Variants in MAPK8IP3 observed in about 807,000 individuals in gnomAD.
The protein encoded by MAPK8IP3 is C-Jun-amino-terminal kinase-interacting protein 3.
Under a neutral mutation model 157.8 loss-of-function variants are expected in MAPK8IP3, and 49 were observed. The ratio of observed to expected loss-of-function variants is 0.31; its 90% CI spans 0.25 to 0.39. The LOEUF (loss-of-function observed/expected upper bound fraction) is 0.39. MAPK8IP3 is among the 10% of genes least tolerant of loss of function. The probability of loss-of-function intolerance (pLI) is 1.00; values close to 1 mark genes in which losing one functional copy is unlikely to be tolerated. For synonymous variants in MAPK8IP3, 897 were observed against 777.7 expected (o/e 1.15, Z -2.55); for missense variants, 1,478 against 1,889.4 (o/e 0.78, Z 4.04).
In MAPK8IP3 at chr16:1,766,956, T is replaced by G; in HGVS notation, c.3073T>G (p.Phe1025Val). ...VALADGTLAI[F>V]HRGEDGQWDL... ...TCTGGCGGACGGGACCCTGGCCATCTTCCACCGTGGTGAAGGTGGGGCCTG... is the reference window on the plus strand; with the variant it reads ...TCTGGCGGACGGGACCCTGGCCATCGTCCACCGTGGTGAAGGTGGGGCCTG... The change falls in exon 25 of 32, where the codon TTC (phenylalanine) becomes GTC (valine). Residue 1025 changes from phenylalanine (F) to valine (V), a missense_variant. Phe to Val is a conservative substitution (Grantham distance 50). Transcript: ENST00000610761. 6.3e-7 allele frequency: 1 copy of G among 1,590,594 alleles called. No homozygotes were observed.
At position 1,730,713 on chromosome 16, in the gene MAPK8IP3, G is replaced by A. The variant is rs183823800; in HGVS notation, c.602+1135G>A. Among the ~76,000 whole-genome samples the A allele has an allele frequency of 2.7e-3, 418 of 152,070 alleles. 3 individuals are homozygous for A. Among genetic ancestry groups the A allele is most frequent in the African/African-American group, 9.6e-3 (398 of 41,496 alleles). ...AAAAAATTAGCCGGGTGTGGTGGCG[G>A]GCGCCTGTAGTTCCAGCTATTCTGG... On this transcript the variant is annotated intron_variant, in intron 4 of 31. Transcript: ENST00000610761.
At chr16:1,757,386 G>C (rs1255783170) in intron 8 of MAPK8IP3, among the ~76,000 whole-genome samples, 2 of 152,214 alleles carry the variant, frequency 1.3e-5, no homozygotes. Context: ...TTACAGGCGT[G>C]AGCCACCACG....
chr16:1,714,655 C>T (rs1438115007), intron 1 of MAPK8IP3, among the ~76,000 whole-genome samples: 5 of 152,170 alleles, frequency 3.3e-5, no homozygotes, highest in Admixed American at 3.3e-4. Context: ...ACCTTTCCTT[C>T]TCCCCAGGAA....
At chr16:1,735,727 CCA>C (rs1596624839) in intron 4 of MAPK8IP3, among the ~76,000 whole-genome samples, 4 of 122,026 alleles carry the variant, frequency 3.3e-5, no homozygotes, top group South Asian at 2.9e-4. Context: ...GTGTGACCGT[CCA>C]TGTGAGAGTG....
At chr16:1,758,937 C>T in intron 9 of MAPK8IP3, 41 bp from the exon 10 acceptor site, 2 of 1,612,874 alleles carry the variant, frequency 1.2e-6, no homozygotes, top group South Asian at 1.1e-5. Context: ...CTCCTCCCGC[C>T]CTGGTTGCCC....
In MAPK8IP3 at chr16:1,761,173, C is replaced by T. The variant is rs769498078; in HGVS notation, c.1458-51C>T. 3.7e-5 allele frequency: 54 copies of T among 1,462,776 alleles called. No homozygotes were observed. The African/African-American group carries it at 4.2e-4, about 11-fold the overall frequency. The allele number at this position is 1,462,776 out of a possible 1,614,324, so 90.6% of individuals were successfully genotyped here. On this transcript the variant is annotated intron_variant, in intron 12 of 31. Coordinates refer to ENST00000610761, the MANE Select transcript of MAPK8IP3 (RefSeq NM_001318852.2). ...GCGGGCACTGCCCGCTATGTGTTCCCGAGGCCCCTGGGAGGCCCTCACCCT... is the reference window on the plus strand; with the variant it reads ...GCGGGCACTGCCCGCTATGTGTTCCTGAGGCCCCTGGGAGGCCCTCACCCT...
At chr16:1,727,643 G>A (rs778959859) in intron 2 of MAPK8IP3, among the ~76,000 whole-genome samples, 2 of 152,108 alleles carry the variant, frequency 1.3e-5, no homozygotes, top group South Asian at 2.1e-4. Context: ...TCTGAGTCAC[G>A]CGTGTCAGGT....
chr16:1,738,221 TGTGAGA>T (rs2040209854), intron 4 of MAPK8IP3, among the ~76,000 whole-genome samples: 2 of 91,432 alleles, frequency 2.2e-5, no homozygotes, highest in Non-Finnish European at 4.2e-5. Context: ...TGACCATCCG[TGTGAGA>T]GTGTGACCAT....
intron 8 of MAPK8IP3, among the ~76,000 whole-genome samples, chr16:1,757,848 G>A (rs1336119972): frequency 1.3e-5 from 2 of 152,186 alleles, no homozygotes; most frequent in Non-Finnish European, 2.9e-5. Flanking sequence ...GGGCTGCGGG[G>A]GGCCTGCCCT....
At chr16:1,767,526 C>T in intron 26 of MAPK8IP3, 38 bp from the exon 27 acceptor site, 1 of 1,595,452 alleles carries the variant, frequency 6.3e-7, no homozygotes, top group Non-Finnish European at 8.6e-7. Flanking sequence ...TTCCTCTCCT[C>T]TCCCCAGCCC....
chr16:1,728,038 C>T (rs1468312465), intron 2 of MAPK8IP3, among the ~76,000 whole-genome samples: 3 of 152,258 alleles, frequency 2.0e-5, no homozygotes, highest in Non-Finnish European at 4.4e-5. Context: ...GGCGTCAGCC[C>T]TCCCCATTGG....
chr16:1,736,829 C>T (rs1160843106), intron 4 of MAPK8IP3, among the ~76,000 whole-genome samples: 9 of 49,018 alleles, frequency 1.8e-4, no homozygotes, highest in Admixed American at 3.3e-4. Flanking sequence ...TGTGAGCGTC[C>T]GTGTGAGCGT....
rs2042238642 is a variant in MAPK8IP3 at position 1,766,012 on chromosome 16, G to A, written c.2499G>A (p.Val833=). The stretch of plus-strand genomic sequence containing the variant: ...GGGAGATGTTCCTGGACAGCGACGT[G>A]AACCCAGAGGACCCGGGCGCAGATG... ...PPGEMFLDSD[V]NPEDPGADGV... Residue 833 remains valine (V), a synonymous_variant, in exon 21 of 32, where the codon GTG becomes GTA. Transcript: ENST00000610761. 3 of 1,612,812 alleles carry A rather than the reference G, an allele frequency of 1.9e-6. No individual in the cohort carries two copies. Among genetic ancestry groups the A allele is most frequent in the Non-Finnish European group, 2.5e-6 (3 of 1,179,948 alleles).
chr16:1,730,840 CAAAA>C (rs72481919), intron 4 of MAPK8IP3, among the ~76,000 whole-genome samples: 1 of 56,208 alleles, frequency 1.8e-5, no homozygotes. Context: ...GAGACTCTGT[CAAAA>C]AAAAAAAAAA....
chr16:1,743,627 G>C lies in MAPK8IP3; in HGVS notation c.747+151G>C. 6.9e-7 allele frequency: 1 copy of C among 1,448,222 alleles called. No individual in the cohort carries two copies. The highest frequency in any genetic ancestry group is 9.0e-7 in the Non-Finnish European group (1 of 1,108,244). The allele number at this position is 1,448,222 out of a possible 1,614,324, so 89.7% of individuals were successfully genotyped here. On this transcript the variant is annotated intron_variant, in intron 5 of 31. Coordinates refer to ENST00000610761, the MANE Select transcript of MAPK8IP3 (RefSeq NM_001318852.2). The surrounding 1 kb of genome is among the most constrained non-coding windows in gnomAD (Gnocchi z 5.6). ...GTGTGTGGCAGGATGGAGAAACCCAGCCAGGGTGTCAGGGGCTCAGGCTGC... is the reference window on the plus strand; with the variant it reads ...GTGTGTGGCAGGATGGAGAAACCCACCCAGGGTGTCAGGGGCTCAGGCTGC...
Position 1,758,171 on chromosome 16 carries a change from ACT to A in MAPK8IP3, c.1228+16_1228+17del. 1 of 1,611,900 alleles carries A rather than the reference ACT, an allele frequency of 6.2e-7. No individual in the cohort carries two copies. The highest frequency in any genetic ancestry group is 2.2e-5 in the East Asian group (1 of 44,772). On this transcript the variant is annotated intron_variant, in intron 9 of 31. Coordinates refer to ENST00000610761, the MANE Select transcript of MAPK8IP3 (RefSeq NM_001318852.2). ...AGGGGAGTTCTCAGGTGAGTATCTC[ACT>A]CTCCTGTCTGTCTCCCCTCTGTGTG... is the stretch of plus-strand genomic sequence containing the variant.
chr16:1,767,791 GC>G lies in MAPK8IP3; in HGVS notation c.3410-13del, dbSNP rs1016316400. On this transcript the variant is annotated splice_polypyrimidine_tract_variant and intron_variant, in intron 27 of 31. Transcript: ENST00000610761. ...GTGCTCAAGGCCAGCCACCCTGACC[GC>G]TCTCCCCCACAGGCACTGGCAAGCT... 2.3e-5 allele frequency: 37 copies of G among 1,611,138 alleles called. No individual in the cohort carries two copies. Among genetic ancestry groups the G allele is most frequent in the Non-Finnish European group, 3.1e-5 (36 of 1,179,770 alleles).
Position 1,751,107 on chromosome 16 carries a change from G to A in MAPK8IP3, c.1216+2387G>A, listed in dbSNP as rs998070161. 2.0e-5 allele frequency among the ~76,000 whole-genome samples: 3 copies of A among 152,144 alleles called. No homozygotes were observed. The highest frequency in any genetic ancestry group is 1.3e-4 in the Admixed American group (2 of 15,266). On this transcript the variant is annotated intron_variant, in intron 8 of 31. Transcript: ENST00000610761. The surrounding 1 kb of genome is among the most constrained non-coding windows in gnomAD (Gnocchi z 5.0). The stretch of plus-strand genomic sequence containing the variant: ...GGCAGCACTGACGGGCACGGCCACC[G>A]TCGGTCCTTACTGCAGCATCAAGCC...
Position 1,766,516 on chromosome 16 carries a change from G to A in MAPK8IP3, c.2820-13G>A, listed in dbSNP as rs377501883. ...CTCCGTGGCCCCCCCTGGAGCCACCGTTCTTCCTGCAGCGAGAACGGGCCA... is the reference window on the plus strand; with the variant it reads ...CTCCGTGGCCCCCCCTGGAGCCACCATTCTTCCTGCAGCGAGAACGGGCCA... On this transcript the variant is annotated splice_polypyrimidine_tract_variant and intron_variant, in intron 22 of 31. Transcript: ENST00000610761. The A allele has an allele frequency of 2.2e-5, 35 of 1,610,394 alleles. No individual in the cohort carries two copies. The African/African-American group carries it at 2.4e-4, about 11-fold the overall frequency.
Sources: allele counts gnomAD v4.1 joint callset (sites outside exome capture counted in the v4.1 genomes callset), GRCh38; gene constraint gnomAD v4.1.1; non-coding constraint Gnocchi (gnomAD v3.1); transcripts MANE v1.5; gene names NCBI Gene and HGNC (gene_info 2026-07-23, HGNC 2026-07-21).